Variants in F8 observed in about 807,000 individuals in gnomAD.
The protein encoded by F8 is antihemophilic factor.
In F8, 12 loss-of-function variants were observed where a neutral mutation model predicts 140.6. The ratio of observed to expected loss-of-function variants is 0.09; its 90% confidence interval spans 0.05 to 0.14. The LOEUF (loss-of-function observed/expected upper bound fraction) is 0.14, where lower values mean the gene tolerates loss of function less well. Among genes scored for constraint, F8 ranks in the 10% least tolerant of loss-of-function variants. The pLI, the probability that F8 is intolerant of heterozygous loss-of-function variation, is 1.00. For missense variants in F8, 1,354 were observed against 1,720.7 expected (o/e 0.79, Z 3.77); for synonymous variants, 585 against 614.6 (o/e 0.95, Z 0.71).
intron 11 of F8, 41 bp from the exon 12 acceptor site, chrX:154,954,083 T>G: frequency 8.5e-7 from 1 of 1,175,623 alleles, no homozygotes; most frequent in Non-Finnish European, 1.2e-6. Context: ...GAAATGCTAC[T>G]GATGTTGTCA....
At chrX:154,895,129 G>A (rs2072972395) in intron 22 of F8, among the ~76,000 whole-genome samples, 1 of 112,250 alleles carries the variant, frequency 8.9e-6, no homozygotes, top group African/African-American at 3.2e-5. Flanking sequence ...TCCTCTGCAA[G>A]GAGAAAGTCA....
chrX:154,888,408 C>CTTTTTTTT (rs1557274896), intron 22 of F8, among the ~76,000 whole-genome samples: 981 of 52,996 alleles, frequency 0.019, 87 homozygotes, highest in African/African-American at 0.073. Flanking sequence ...TTTTTTTTTC[C>CTTTTTTTT]CCCCGAGATG....
chrX:154,859,309 T>C (rs1047885007), intron 25 of F8, among the ~76,000 whole-genome samples: 2 of 107,068 alleles, frequency 1.9e-5, no homozygotes, highest in Non-Finnish European at 3.9e-5. Flanking sequence ...ATTTTCTTTT[T>C]TTTTTTTTTT....
At chrX:154,860,308 T>C (rs1327496070) in intron 25 of F8, 124 bp downstream of exon 25, 5 of 666,715 alleles carry the variant, frequency 7.5e-6, no homozygotes, top group Non-Finnish European at 1.2e-5. Flanking sequence ...CTTGCTACCA[T>C]AGGTACTTAA....
intron 14 of F8, chrX:154,918,981 T>G (rs1162143398): frequency 8.8e-6 from 1 of 113,217 alleles, no homozygotes; most frequent in Non-Finnish European, 1.8e-5. Flanking sequence ...CTTTCTCAAA[T>G]TTTTCAATGG....
intron 4 of F8, among the ~76,000 whole-genome samples, chrX:154,990,682 T>C (rs377393476): frequency 2.7e-5 from 3 of 111,638 alleles, no homozygotes; most frequent in Non-Finnish European, 3.8e-5. Context: ...CCACAGTGTG[T>C]TATTTATGGG....
chrX:155,009,674 G>T (rs1407612274), intron 1 of F8, among the ~76,000 whole-genome samples: 5 of 110,909 alleles, frequency 4.5e-5, no homozygotes, highest in African/African-American at 1.6e-4. Flanking sequence ...GGCAGAGGTT[G>T]CAGTGAGCCG....
At chrX:154,972,707 CTTTTTT>C (rs1184930129) in intron 6 of F8, among the ~76,000 whole-genome samples, 36 of 55,272 alleles carry the variant, frequency 6.5e-4, no homozygotes, top group African/African-American at 2.3e-3. Context: ...TTCTGTCTTT[CTTTTTT>C]TTTTTTTTTT....
intron 22 of F8, among the ~76,000 whole-genome samples, chrX:154,880,215 T>C (rs1442051238): frequency 8.9e-6 from 1 of 111,738 alleles, no homozygotes; most frequent in Non-Finnish European, 1.9e-5. Context: ...CAATCAGTAA[T>C]GTAGGGGATC....
intron 14 of F8, among the ~76,000 whole-genome samples, chrX:154,914,912 A>G (rs907072087): frequency 2.7e-5 from 3 of 111,008 alleles, no homozygotes; most frequent in African/African-American, 9.9e-5. Context: ...TGCCCCCCCT[A>G]CCTCGGTACC....
At chrX:154,906,791 G>A (rs782079088) in intron 14 of F8, among the ~76,000 whole-genome samples, 17 of 112,042 alleles carry the variant, frequency 1.5e-4, no homozygotes, top group Non-Finnish European at 2.6e-4. Flanking sequence ...CACCTGTAAC[G>A]GTGCTTGGCA....
In F8 at chrX:154,947,801, G is replaced by C. The variant is rs1191883320; in HGVS notation, c.2010C>G (p.Val670=). ...SIGAQTDFLS[V]FFSGYTFKHK... ...GTTTGAAGGTATATCCAGAGAAGAA[G>C]ACAGAAAGGAAGTCAGTCTGTGCTC... Residue 670 remains valine (V), a synonymous_variant, in exon 13 of 26, where the codon GTC becomes GTG. Coordinates refer to ENST00000360256, the MANE Select transcript of F8 (RefSeq NM_000132.4). 2.5e-6 allele frequency: 3 copies of C among 1,207,641 alleles called. No individual in the cohort carries two copies. The highest frequency in any genetic ancestry group is 3.4e-6 in the Non-Finnish European group (3 of 893,047).
Position 154,929,022 on chromosome X carries a change from A to G in F8, c.4768T>C (p.Tyr1590His), listed in dbSNP as rs1557278350. 6.6e-6 allele frequency: 8 copies of G among 1,211,154 alleles called. No individual in the cohort carries two copies. In the Admixed American group the frequency reaches 1.7e-4, roughly 26 times the overall value. The change falls in exon 14 of 26, where the codon TAT (tyrosine) becomes CAT (histidine). Residue 1590 changes from tyrosine (Y) to histidine (H), a missense_variant. Coordinates refer to ENST00000360256, the MANE Select transcript of F8 (RefSeq NM_000132.4). Reference protein sequence around the residue: ...LLDPLAWDNHYGTQIPKEEWK... With the variant: ...LLDPLAWDNHHGTQIPKEEWK... ...TCTTCTTTTGGTATCTGAGTACCAT[A>G]GTGGTTATCCCAAGCAAGAGGATCC...
chrX:154,931,507 G>T lies in F8; in HGVS notation c.2283C>A (p.Phe761Leu). 1 of 1,211,679 alleles carries T rather than the reference G, an allele frequency of 8.3e-7. No homozygotes were observed. Among genetic ancestry groups the T allele is most frequent in the Non-Finnish European group, 1.1e-6 (1 of 895,355 alleles). Residue 761 changes from phenylalanine to leucine, a missense_variant, in exon 14 of 26, where the codon TTC (phenylalanine) becomes TTA (leucine). By Grantham distance (22) the Phe-to-Leu change is conservative. Coordinates refer to ENST00000360256, the MANE Select transcript of F8 (RefSeq NM_000132.4). ...SKNNAIEPRS[F>L]SQNSRHPSTR... ...TGCTAGGGTGTCTTGAATTCTGGGA[G>T]AAGCTTCTTGGTTCAATGGCATTGT...
At chrX:154,846,752 G>C (rs2072569704) in intron 25 of F8, among the ~76,000 whole-genome samples, 1 of 111,939 alleles carries the variant, frequency 8.9e-6, no homozygotes, top group South Asian at 3.7e-4. Flanking sequence ...GCCAGTCTGT[G>C]TCTTTTAATT....
At chrX:154,957,777 T>C in intron 10 of F8, among the ~76,000 whole-genome samples, 1 of 107,555 alleles carries the variant, frequency 9.3e-6, no homozygotes, top group Non-Finnish European at 1.9e-5. Flanking sequence ...TCCCAGCTAC[T>C]TGGGAGGCTG....
At chrX:154,941,743 C>G (rs1199008490) in intron 13 of F8, among the ~76,000 whole-genome samples, 12 of 47,433 alleles carry the variant, frequency 2.5e-4, no homozygotes, top group Non-Finnish European at 9.5e-4. Context: ...ACACCTATTC[C>G]AAAATTGACC....
rs1314039905 is a variant in F8 at position 154,929,941 on chromosome X, G to A, written c.3849C>T (p.His1283=). 1.3e-5 allele frequency: 16 copies of A among 1,211,155 alleles called. No homozygotes were observed. Among genetic ancestry groups the A allele is most frequent in the Non-Finnish European group, 1.7e-5 (15 of 895,261 alleles). ...CCCCTTTTTTTGAGAAATGAGCTGT[G>A]TGTTTCTTTGTTCTATTTGTTGAAT... ...LNDSTNRTKK[H]TAHFSKKGEE... The change falls in exon 14 of 26, where the codon CAC becomes CAT. Residue 1283 remains histidine (H), a synonymous_variant. Transcript: ENST00000360256.
chrX:154,894,183 A>G (rs2072966152), intron 22 of F8, among the ~76,000 whole-genome samples: 1 of 112,508 alleles, frequency 8.9e-6, no homozygotes, highest in Non-Finnish European at 1.9e-5. Context: ...GCCTCTCTAA[A>G]ATGTATAAAA....
Sources: gnomAD v4.1 joint callset for allele counts (sites outside exome capture counted in the v4.1 genomes callset) on GRCh38, gnomAD v4.1.1 for gene constraint, MANE v1.5 for transcripts, NCBI Gene and HGNC (gene_info 2026-07-23, HGNC 2026-07-21) for gene names.